Variants in SLC9A9 observed in about 807,000 individuals in gnomAD.
SLC9A9 encodes the protein sodium/hydrogen exchanger 9.
In SLC9A9, 62 loss-of-function variants were observed where a neutral mutation model predicts 77.8. The ratio of observed to expected loss-of-function variants is 0.80; its 90% CI spans 0.65 to 0.98. The LOEUF is 0.98. Ranked by LOEUF, SLC9A9 falls within the 50% of genes least tolerant of loss-of-function variation. The probability of loss-of-function intolerance (pLI) is 0.00; values close to 1 mark genes in which losing one functional copy is unlikely to be tolerated. For synonymous variants in SLC9A9, 320 were observed against 283.5 expected (o/e 1.13, Z -1.29); for missense variants, 775 against 774.9 (o/e 1.00, Z 0.00).
intron 5 of SLC9A9, among the ~76,000 whole-genome samples, chr3:143,652,579 A>G (rs138903166): frequency 1.3e-3 from 205 of 152,046 alleles, no homozygotes; most frequent in African/African-American, 4.6e-3. Context: ...AAGTACAAGT[A>G]CCCTACAATC....
chr3:143,589,007 C>A (rs1387731787), intron 6 of SLC9A9, among the ~76,000 whole-genome samples: 1 of 152,106 alleles, frequency 6.6e-6, no homozygotes, highest in Non-Finnish European at 1.5e-5. Context: ...AGGTTAATAG[C>A]CACCAAAGAT....
chr3:143,578,183 G>A (rs565120355), intron 7 of SLC9A9, among the ~76,000 whole-genome samples: 2 of 152,242 alleles, frequency 1.3e-5, no homozygotes, highest in South Asian at 2.1e-4. Context: ...TGAAAAAGAG[G>A]CAGATCATAC....
At chr3:143,811,729 G>A (rs72993350) in intron 2 of SLC9A9, 23,534 of 454,532 alleles carry the variant, frequency 0.052, 2,794 homozygotes, top group African/African-American at 0.32. Flanking sequence ...ACGCACAGTG[G>A]CACACGCCTG....
chr3:143,757,630 C>T (rs1483726068), intron 4 of SLC9A9, among the ~76,000 whole-genome samples: 14 of 152,122 alleles, frequency 9.2e-5, no homozygotes, highest in Admixed American at 9.2e-4. Flanking sequence ...CTAAAAATGT[C>T]GCCTCTTCCA....
At chr3:143,584,258 C>T (rs1057443811) in intron 6 of SLC9A9, among the ~76,000 whole-genome samples, 4 of 152,038 alleles carry the variant, frequency 2.6e-5, no homozygotes, top group Non-Finnish European at 5.9e-5. Context: ...GACACTTTGC[C>T]GCACAGTTAC....
chr3:143,682,948 G>C (rs1056153505), intron 5 of SLC9A9, among the ~76,000 whole-genome samples: 1 of 152,074 alleles, frequency 6.6e-6, no homozygotes, highest in African/African-American at 2.4e-5. Flanking sequence ...AATTAATCTT[G>C]TAAATCCCTT....
chr3:143,540,813 G>A (rs1474962529), intron 9 of SLC9A9, among the ~76,000 whole-genome samples: 1 of 152,048 alleles, frequency 6.6e-6, no homozygotes, highest in Non-Finnish European at 1.5e-5. Flanking sequence ...ACATTAATAA[G>A]AATAACTTAT....
intron 6 of SLC9A9, among the ~76,000 whole-genome samples, chr3:143,590,060 C>G (rs1488311074): frequency 6.6e-6 from 1 of 152,218 alleles, no homozygotes; most frequent in Admixed American, 6.5e-5. Flanking sequence ...GACCTCTCCT[C>G]TATATTGAAT....
chr3:143,756,087 T>C (rs1478720996), intron 4 of SLC9A9, among the ~76,000 whole-genome samples: 1 of 152,142 alleles, frequency 6.6e-6, no homozygotes, highest in African/African-American at 2.4e-5. Flanking sequence ...GCCAGGTAAA[T>C]TGCCATTTGT....
At chr3:143,550,463 C>A (rs2036862367) in intron 9 of SLC9A9, among the ~76,000 whole-genome samples, 1 of 152,146 alleles carries the variant, frequency 6.6e-6, no homozygotes, top group Non-Finnish European at 1.5e-5. Context: ...CTGGACTATG[C>A]CATATAATTT....
intron 14 of SLC9A9, among the ~76,000 whole-genome samples, chr3:143,278,613 A>G (rs544995626): frequency 1.1e-4 from 16 of 152,236 alleles, no homozygotes; most frequent in Non-Finnish European, 2.4e-4. Flanking sequence ...CTGTCTTCAC[A>G]GGGTGTTCTA....
chr3:143,699,334 A>C (rs1193364615), intron 4 of SLC9A9, among the ~76,000 whole-genome samples: 8 of 152,132 alleles, frequency 5.3e-5, no homozygotes, highest in South Asian at 4.1e-4. Flanking sequence ...ATCTACACAA[A>C]AAAAAAGCAA....
chr3:143,832,742 T>C (rs2009469322), intron 1 of SLC9A9, among the ~76,000 whole-genome samples: 1 of 151,592 alleles, frequency 6.6e-6, no homozygotes, highest in Admixed American at 6.6e-5. Context: ...GCAGGTTATC[T>C]GTGACCATAA....
At chr3:143,631,347 T>C (rs1000054356) in intron 6 of SLC9A9, among the ~76,000 whole-genome samples, 2 of 152,150 alleles carry the variant, frequency 1.3e-5, no homozygotes, top group Non-Finnish European at 2.9e-5. Context: ...CAGAACTATA[T>C]CTTATACAGA....
At chr3:143,356,116 C>T (rs548268356) in intron 14 of SLC9A9, among the ~76,000 whole-genome samples, 48 of 152,270 alleles carry the variant, frequency 3.2e-4, no homozygotes, top group African/African-American at 1.1e-3. Flanking sequence ...GTGGGGAATC[C>T]ATTGTGCCTA....
intron 12 of SLC9A9, among the ~76,000 whole-genome samples, chr3:143,399,728 T>C (rs191903255): frequency 4.6e-5 from 7 of 152,290 alleles, no homozygotes; most frequent in African/African-American, 1.7e-4. Flanking sequence ...GGCCTATCAT[T>C]CTAGGAGATC....
chr3:143,840,254 T>G (rs1221021310), intron 1 of SLC9A9, among the ~76,000 whole-genome samples: 1 of 152,216 alleles, frequency 6.6e-6, no homozygotes, highest in East Asian at 1.9e-4. Context: ...CCTACCAACA[T>G]AAGTCCTCAC....
chr3:143,724,775 A>G (rs1934593192), intron 4 of SLC9A9, among the ~76,000 whole-genome samples: 1 of 152,166 alleles, frequency 6.6e-6, no homozygotes, highest in South Asian at 2.1e-4. Context: ...TTGGTGAGAG[A>G]AGTCAGACAT....
chr3:143,542,345 A>G (rs114739869), intron 9 of SLC9A9, among the ~76,000 whole-genome samples: 2,079 of 152,294 alleles, frequency 0.014, 56 homozygotes, highest in African/African-American at 0.048. Flanking sequence ...TACAAAAGAA[A>G]TGTAATTAGA....
Sources: gnomAD v4.1 joint callset for allele counts (sites outside exome capture counted in the v4.1 genomes callset) on GRCh38, gnomAD v4.1.1 for gene constraint, MANE v1.5 for transcripts, NCBI Gene and HGNC (gene_info 2026-07-23, HGNC 2026-07-21) for gene names.